RIMBP2: variants seen among roughly 807,000 people sequenced by gnomAD.
RIMBP2 encodes RIMS binding protein 2.
A neutral mutation model predicts 118.6 loss-of-function variants in RIMBP2; 48 were observed. The observed-to-expected ratio is 0.40, with a 90% CI of 0.32 to 0.51. The LOEUF (loss-of-function observed/expected upper bound fraction) is 0.51. Ranked by LOEUF, RIMBP2 falls within the 20% of genes least tolerant of loss-of-function variation. The pLI is 0.41. For missense variants in RIMBP2, 1,551 were observed against 1,768.3 expected (o/e 0.88, Z 2.20); for synonymous variants, 762 against 742.9 (o/e 1.03, Z -0.42).
Position 130,688,431 on chromosome 12 carries a change from G to T in RIMBP2, c.-352+27791C>A, listed in dbSNP as rs1394873569. On this transcript the variant is annotated intron_variant, in intron 1 of 22. Transcript: ENST00000690449. This position sits in a 1 kb window ranked among gnomAD's most constrained non-coding sequence, Gnocchi z 4.7. ...AACACATACGTTTGCTTAGGTATCAGATCTAATGAAAGAGAAAGAGAAGTA... is the reference window on the plus strand; with the variant it reads ...AACACATACGTTTGCTTAGGTATCATATCTAATGAAAGAGAAAGAGAAGTA... Among the ~76,000 whole-genome samples the T allele has an allele frequency of 6.6e-6, 1 of 152,180 alleles. No individual in the cohort carries two copies.
In RIMBP2 at chr12:130,690,938, G is replaced by A. The variant is rs534754272; in HGVS notation, c.-352+25284C>T. Among the ~76,000 whole-genome samples, 69 of 151,840 alleles carry A rather than the reference G, an allele frequency of 4.5e-4. 1 individual carries two copies. The highest frequency in any genetic ancestry group is 1.6e-3 in the African/African-American group (65 of 41,412). Reference sequence around the variant, plus strand: ...CCCACAGGGAAGCCTGGTGAGGGACGTCTTCCTCTCCCTCCCCAGTGAGAT... The same window carrying A: ...CCCACAGGGAAGCCTGGTGAGGGACATCTTCCTCTCCCTCCCCAGTGAGAT... On this transcript the variant is annotated intron_variant, in intron 1 of 22. Coordinates refer to ENST00000690449, the MANE Select transcript of RIMBP2 (RefSeq NM_001393629.1).
chr12:130,606,094 GA>G (rs560303087), intron 2 of RIMBP2, among the ~76,000 whole-genome samples: 27 of 150,764 alleles, frequency 1.8e-4, no homozygotes, highest in Non-Finnish European at 3.3e-4. Context: ...GAAAAGAGAG[GA>G]AAAAAAAGCT....
At chr12:130,582,564 G>C (rs758754559) in intron 2 of RIMBP2, among the ~76,000 whole-genome samples, 1 of 152,246 alleles carries the variant, frequency 6.6e-6, no homozygotes, top group Non-Finnish European at 1.5e-5. Flanking sequence ...CTGCTGGCCA[G>C]CTTAGAGATG....
chr12:130,698,224 C>T (rs1303838428), intron 1 of RIMBP2, among the ~76,000 whole-genome samples: 1 of 152,190 alleles, frequency 6.6e-6, no homozygotes, highest in African/African-American at 2.4e-5. Context: ...GGGGGTGCAA[C>T]CGTGACTTAG....
In RIMBP2 at chr12:130,670,292, T is replaced by C. The variant is rs2064139692; in HGVS notation, c.-351-41836A>G. ...CTCCAGAACTGAAGTTTTAGGACTCTATATTTATGGTGATTTCTTACTGAT... is the reference window on the plus strand; with the variant it reads ...CTCCAGAACTGAAGTTTTAGGACTCCATATTTATGGTGATTTCTTACTGAT... On this transcript the variant is annotated intron_variant, in intron 1 of 22. Coordinates refer to ENST00000690449, the MANE Select transcript of RIMBP2 (RefSeq NM_001393629.1). This position sits in a 1 kb window ranked among gnomAD's most constrained non-coding sequence, Gnocchi z 4.9. Among the ~76,000 whole-genome samples, 1 of 152,102 alleles carries C rather than the reference T, an allele frequency of 6.6e-6. No individual in the cohort carries two copies. Among genetic ancestry groups the C allele is most frequent in the Non-Finnish European group, 1.5e-5 (1 of 68,012 alleles).
chr12:130,538,705 A>G (rs2054291351), intron 2 of RIMBP2, among the ~76,000 whole-genome samples: 1 of 152,164 alleles, frequency 6.6e-6, no homozygotes, highest in Non-Finnish European at 1.5e-5. Context: ...AGTCACGAGC[A>G]TTACAGAGCT....
intron 2 of RIMBP2, among the ~76,000 whole-genome samples, chr12:130,588,308 G>A (rs1046368953): frequency 2.6e-5 from 4 of 152,122 alleles, no homozygotes; most frequent in Admixed American, 6.5e-5. Context: ...CATCCGGTCT[G>A]TTTAGCTCAT....
intron 2 of RIMBP2, among the ~76,000 whole-genome samples, chr12:130,546,860 A>G (rs146064109): frequency 6.6e-6 from 1 of 152,326 alleles, no homozygotes; most frequent in Non-Finnish European, 1.5e-5. Context: ...ACTTCTGTTA[A>G]GTTGGAAGCG....
At chr12:130,615,817 G>A (rs2060894174) in intron 2 of RIMBP2, among the ~76,000 whole-genome samples, 1 of 152,116 alleles carries the variant, frequency 6.6e-6, no homozygotes, top group African/African-American at 2.4e-5. Context: ...CATTTTTCAT[G>A]AACAGTGACA....
chr12:130,658,164 G>C (rs1176513295), intron 1 of RIMBP2: 1 of 152,260 alleles, frequency 6.6e-6, no homozygotes, highest in African/African-American at 2.4e-5. Context: ...GGAAGGCCAC[G>C]GCTTCCAGGA....
At chr12:130,474,517 C>G (rs542635344) in intron 5 of RIMBP2, among the ~76,000 whole-genome samples, 1 of 152,196 alleles carries the variant, frequency 6.6e-6, no homozygotes, top group Non-Finnish European at 1.5e-5. Context: ...GGTGGGCAGT[C>G]GGCAAACAGC....
At chr12:130,616,258 T>C (rs1031932654) in intron 2 of RIMBP2, among the ~76,000 whole-genome samples, 4 of 151,912 alleles carry the variant, frequency 2.6e-5, no homozygotes, top group African/African-American at 9.7e-5. Flanking sequence ...CCCGCTCTCC[T>C]CTCCTTTCTG....
At chr12:130,641,639 C>T (rs1405742204) in intron 1 of RIMBP2, among the ~76,000 whole-genome samples, 3 of 152,248 alleles carry the variant, frequency 2.0e-5, no homozygotes, top group African/African-American at 7.2e-5. Context: ...TGGGAATTAA[C>T]TGCCGTGCAA....
chr12:130,652,267 C>T (rs1216859021), intron 1 of RIMBP2, among the ~76,000 whole-genome samples: 1 of 152,220 alleles, frequency 6.6e-6, no homozygotes, highest in Non-Finnish European at 1.5e-5. Flanking sequence ...AACACAGCCA[C>T]ACCACTTGTT....
chr12:130,593,715 TA>T (rs1220886277), intron 2 of RIMBP2, among the ~76,000 whole-genome samples: 1 of 152,252 alleles, frequency 6.6e-6, no homozygotes, highest in Non-Finnish European at 1.5e-5. Flanking sequence ...TATTTTTTTC[TA>T]AACACTGCAT....
chr12:130,428,551 C>T (rs530006828), intron 14 of RIMBP2: 4 of 429,914 alleles, frequency 9.3e-6, no homozygotes, highest in South Asian at 6.1e-5. Flanking sequence ...ATGGGATCAG[C>T]GCAGGTCTCT....
chr12:130,574,303 C>T (rs2057921870), intron 2 of RIMBP2, among the ~76,000 whole-genome samples: 1 of 152,112 alleles, frequency 6.6e-6, no homozygotes, highest in Non-Finnish European at 1.5e-5. Context: ...CCACAACCCC[C>T]ATGTTCATCA....
In RIMBP2 at chr12:130,642,383, C is replaced by T. The variant is rs569730292; in HGVS notation, c.-351-13927G>A. Among the ~76,000 whole-genome samples, 12 of 152,300 alleles carry T rather than the reference C, an allele frequency of 7.9e-5. 2 individuals are homozygous for T. The highest frequency in any genetic ancestry group is 7.8e-4 in the Admixed American group (12 of 15,304). On this transcript the variant is annotated intron_variant, in intron 1 of 22. Coordinates refer to ENST00000690449, the MANE Select transcript of RIMBP2 (RefSeq NM_001393629.1). The stretch of plus-strand genomic sequence containing the variant: ...CACTGTAACCTCCACCTCCCGGGTT[C>T]AAGGAATTCTCCTGCCTCAGCCTCC...
chr12:130,613,199 G>T (rs913631831), intron 2 of RIMBP2, among the ~76,000 whole-genome samples: 7 of 152,254 alleles, frequency 4.6e-5, no homozygotes, highest in Non-Finnish European at 2.9e-5. Flanking sequence ...GACGGAGGGA[G>T]AGTTGACAGC....
Sources: gnomAD v4.1 joint callset for allele counts (sites outside exome capture counted in the v4.1 genomes callset) on GRCh38, gnomAD v4.1.1 for gene constraint, Gnocchi (gnomAD v3.1) non-coding constraint, MANE v1.5 for transcripts, NCBI Gene and HGNC (gene_info 2026-07-23, HGNC 2026-07-21) for gene names.